Variants in ZBTB10 observed in about 807,000 individuals in gnomAD.
ZBTB10 encodes the protein zinc finger and BTB domain containing 10, also known as zinc finger and BTB domain-containing protein 10.
In ZBTB10, 32 loss-of-function variants were observed where a neutral mutation model predicts 76.4. That is an observed-to-expected ratio of 0.42 (90% CI 0.32 to 0.56). The LOEUF (loss-of-function observed/expected upper bound fraction) is 0.56, where lower values mean the gene tolerates loss of function less well. Among genes scored for constraint, ZBTB10 ranks in the 20% least tolerant of loss-of-function variants. The pLI is 0.14. For missense variants in ZBTB10, 1,057 were observed against 1,098.5 expected (o/e 0.96, Z 0.53); for synonymous variants, 523 against 432.9 (o/e 1.21, Z -2.58).
intron 4 of ZBTB10, 30 bp from the exon 5 acceptor site, chr8:80,518,752 A>G (rs376152332): frequency 1.1e-4 from 166 of 1,580,302 alleles, no homozygotes; most frequent in South Asian, 5.3e-4. Context: ...AATGTGTAAT[A>G]AGCACTTTCT....
rs954524398 is a variant in ZBTB10 at position 80,486,868 on chromosome 8, A to G, written c.58A>G (p.Thr20Ala). The G allele has an allele frequency of 3.3e-6, 5 of 1,509,466 alleles. No individual in the cohort carries two copies. Among genetic ancestry groups the G allele is most frequent in the Non-Finnish European group, 4.4e-6 (5 of 1,131,340 alleles). 93.5% of individuals were successfully genotyped at this position (1,509,466 alleles called of 1,614,324 possible). The change falls in exon 1 of 6, where the codon ACC becomes GCC. Residue 20 changes from threonine to alanine, a missense_variant. Transcript: ENST00000455036. The part of the protein sequence containing the change: ...TLAFRGGGLV[T>A]ASGGGSTNNN... ...GGCGTTCCGAGGAGGCGGGTTGGTC[A>G]CCGCTAGCGGCGGCGGCTCCACGAA...
chr8:80,525,031 T>C lies in ZBTB10; in HGVS notation c.*5503T>C, dbSNP rs1209723602. The C allele has an allele frequency of 6.6e-6, 1 of 152,104 alleles. No homozygotes were observed. The highest frequency in any genetic ancestry group is 2.4e-5 in the African/African-American group (1 of 41,434). 9.4% of individuals were successfully genotyped at this position (152,104 alleles called of 1,614,324 possible). A position where few individuals can be genotyped will look rare whatever the true frequency, so the allele number is the denominator to read the frequency against. ...GATAAAATTTGGTATGTATAAGTAC[T>C]GGACGAAGGATGTTTTGACACTAAA... On this transcript the variant is annotated 3_prime_UTR_variant, in exon 6 of 6. Transcript: ENST00000455036.
At chr8:80,509,107 A>G (rs1281354769) in intron 2 of ZBTB10, among the ~76,000 whole-genome samples, 1 of 152,232 alleles carries the variant, frequency 6.6e-6, no homozygotes, top group Non-Finnish European at 1.5e-5. Flanking sequence ...AGGCTGCTAC[A>G]GGAACTGTAA....
intron 1 of ZBTB10, among the ~76,000 whole-genome samples, chr8:80,488,161 T>G (rs1350404280): frequency 1.3e-5 from 2 of 152,232 alleles, no homozygotes; most frequent in African/African-American, 4.8e-5. Context: ...TGGTCTATGC[T>G]CACAGACGTT....
At chr8:80,503,139 G>C (rs1419979622) in intron 2 of ZBTB10, among the ~76,000 whole-genome samples, 1 of 152,124 alleles carries the variant, frequency 6.6e-6, no homozygotes, top group Non-Finnish European at 1.5e-5. Context: ...CCTACCCCCT[G>C]TAGTCCATGA....
Position 80,500,261 on chromosome 8 carries a change from T to C in ZBTB10, c.1740T>C (p.Thr580=). 6.3e-7 allele frequency: 1 copy of C among 1,579,770 alleles called. No individual in the cohort carries two copies. Among genetic ancestry groups the C allele is most frequent in the South Asian group, 1.2e-5 (1 of 86,898 alleles). Residue 580 remains threonine (T), a synonymous_variant, in exon 2 of 6, where the codon ACT becomes ACC. Transcript: ENST00000455036. ...ETGKTRRKNQ[T]TKRFIYNIPP... is the part of the protein sequence containing the mutation. ...GCAAAACAAGGAGGAAAAACCAAAC[T>C]ACAAAAAGATTTATTTATAATATTC...
In ZBTB10 at chr8:80,519,375, T is replaced by C. The variant is rs1251173615; in HGVS notation, c.2463T>C (p.Asp821=). Residue 821 remains aspartate, a synonymous_variant, in exon 6 of 6, where the codon GAT becomes GAC. Coordinates refer to ENST00000455036, the MANE Select transcript of ZBTB10 (RefSeq NM_001105539.3). Reference sequence around the variant, plus strand: ...AGCCAGGAGGGCAAGAAGGTGTAGATCAGGGACAGGATACAGAATTCCCTC... The same window carrying C: ...AGCCAGGAGGGCAAGAAGGTGTAGACCAGGGACAGGATACAGAATTCCCTC... The part of the protein sequence containing the change: ...KSQPGGQEGV[D]QGQDTEFPRD... The C allele has an allele frequency of 6.2e-7, 1 of 1,612,990 alleles. No individual in the cohort carries two copies. Among genetic ancestry groups the C allele is most frequent in the Non-Finnish European group, 8.5e-7 (1 of 1,179,608 alleles).
At position 80,515,175 on chromosome 8, in the gene ZBTB10, G is replaced by A. The variant is rs528524853; in HGVS notation, c.1960+1167G>A. 7.2e-5 allele frequency among the ~76,000 whole-genome samples: 11 copies of A among 152,278 alleles called. No individual in the cohort carries two copies. In the South Asian group the frequency reaches 1.2e-3, roughly 17 times the overall value. On this transcript the variant is annotated intron_variant, in intron 3 of 5. Coordinates refer to ENST00000455036, the MANE Select transcript of ZBTB10 (RefSeq NM_001105539.3). The stretch of plus-strand genomic sequence containing the variant: ...GAGCATGTTCTAGAAGATGCATTTA[G>A]GCTTGAAGTTATGAGCATGCATGTT...
intron 3 of ZBTB10, among the ~76,000 whole-genome samples, chr8:80,516,899 C>T (rs1816337807): frequency 6.6e-6 from 1 of 152,128 alleles, no homozygotes; most frequent in African/African-American, 2.4e-5. Context: ...AACCGTGATG[C>T]CCATGGGAGG....
intron 1 of ZBTB10, among the ~76,000 whole-genome samples, chr8:80,490,125 A>C (rs1304477444): frequency 6.6e-6 from 1 of 152,240 alleles, no homozygotes; most frequent in Admixed American, 6.5e-5. Flanking sequence ...ACTTGGGCTT[A>C]AGGTCAGAGG....
rs1815516675 is a variant in ZBTB10 at position 80,487,775 on chromosome 8, A to G, written c.965A>G (p.Asn322Ser). 1 of 1,592,124 alleles carries G rather than the reference A, an allele frequency of 6.3e-7. No homozygotes were observed. Among genetic ancestry groups the G allele is most frequent in the Non-Finnish European group, 8.5e-7 (1 of 1,169,802 alleles). Residue 322 changes from asparagine (N) to serine (S), a missense_variant, in exon 1 of 6, where the codon AAC becomes AGC. By Grantham distance (46) the Asn-to-Ser change is conservative. Transcript: ENST00000455036. ...VSTEHKLHEANAQESEIPSEE... is the reference protein window; with the variant it reads ...VSTEHKLHEASAQESEIPSEE... ...ACCGAGCACAAACTCCACGAAGCCA[A>G]CGCCCAGGTACAGTATATCCTGCTC...
In ZBTB10 at chr8:80,519,235, G is replaced by A. The variant is rs1457239015; in HGVS notation, c.2323G>A (p.Asp775Asn). The change falls in exon 6 of 6, where the codon GAT (aspartate) becomes AAT (asparagine). Residue 775 changes from aspartate (D) to asparagine (N), a missense_variant. By Grantham distance (23) the Asp-to-Asn change is conservative. Around this residue, in one of 5 missense-constraint regions of ZBTB10, gnomAD observed 54 missense variants for 138.1 expected, o/e 0.39. Coordinates refer to ENST00000455036, the MANE Select transcript of ZBTB10 (RefSeq NM_001105539.3). ...VKRHSLVHKK[D>N]KKYKCMVCKK... ...CCCCTCCAATTAGGTGCATAAAAAG[G>A]ATAAAAAATACAAATGTATGGTGTG... The A allele has an allele frequency of 6.2e-7, 1 of 1,612,192 alleles. No individual in the cohort carries two copies. The highest frequency in any genetic ancestry group is 8.5e-7 in the Non-Finnish European group (1 of 1,178,706).
chr8:80,518,654 A>AT (rs140340413), intron 4 of ZBTB10, 75 bp downstream of exon 4: 81,386 of 1,487,204 alleles, frequency 0.055, 2,458 homozygotes, highest in African/African-American at 0.096. Context: ...CATGTTCTGC[A>AT]TTTTTTAAAA....
rs1258887483 is a variant in ZBTB10, at chr8:80,520,904, T to G, written c.*1376T>G. ...AGCAGCATTTCACGTATTGTTAACA[T>G]GTATGGCATTTATTAGCATATTGTA... is the stretch of plus-strand genomic sequence containing the variant. On this transcript the variant is annotated 3_prime_UTR_variant, in exon 6 of 6. Coordinates refer to ENST00000455036, the MANE Select transcript of ZBTB10 (RefSeq NM_001105539.3). 2 of 151,986 alleles carry G rather than the reference T, an allele frequency of 1.3e-5. No homozygotes were observed. The highest frequency in any genetic ancestry group is 1.9e-4 in the East Asian group (1 of 5,202). The allele number at this position is 151,986 out of a possible 1,614,324, so 9.4% of individuals were successfully genotyped here.
At chr8:80,485,977 C>G, upstream of ZBTB10, 1 of 1,283,660 alleles carries the variant, frequency 7.8e-7, no homozygotes, top group Non-Finnish European at 1.1e-6. Flanking sequence ...CGCCCGCCCC[C>G]TCCCTGAGAC....
intron 4 of ZBTB10, 68 bp downstream of exon 4, chr8:80,518,647 G>A (rs2131519656): frequency 6.7e-7 from 1 of 1,491,674 alleles, no homozygotes; most frequent in Non-Finnish European, 8.9e-7. Flanking sequence ...AAGCTTTCAT[G>A]TTCTGCATTT....
chr8:80,513,617 G>A (rs1337553803), intron 2 of ZBTB10, among the ~76,000 whole-genome samples: 5 of 152,138 alleles, frequency 3.3e-5, no homozygotes, highest in African/African-American at 7.2e-5. Flanking sequence ...TCACATCTAC[G>A]ATATAGGTGG....
In ZBTB10 at chr8:80,524,087, C is replaced by T. The variant is rs1220666047; in HGVS notation, c.*4559C>T. ...TGGCTTTGTGAATTTTATTGACTGA[C>T]ATTTAATTCAGATTTCTTTGCAAGT... On this transcript the variant is annotated 3_prime_UTR_variant, in exon 6 of 6. Coordinates refer to ENST00000455036, the MANE Select transcript of ZBTB10 (RefSeq NM_001105539.3). The T allele has an allele frequency of 3.9e-5, 6 of 152,048 alleles. No individual in the cohort carries two copies. The highest frequency in any genetic ancestry group is 1.4e-4 in the African/African-American group (6 of 41,516). 9.4% of individuals were successfully genotyped at this position (152,048 alleles called of 1,614,324 possible). A position where few individuals can be genotyped will look rare whatever the true frequency, so the allele number is the denominator to read the frequency against.
At chr8:80,485,949 C>A, upstream of ZBTB10, 1 of 1,470,380 alleles carries the variant, frequency 6.8e-7, no homozygotes, top group African/African-American at 1.4e-5. Flanking sequence ...CTCCGCGTAG[C>A]CCGGCCCCGG....
Sources: gnomAD v4.1 joint callset for allele counts (sites outside exome capture counted in the v4.1 genomes callset) on GRCh38, gnomAD v4.1.1 for gene constraint, gnomAD v4.1.1 regional missense constraint, MANE v1.5 for transcripts, NCBI Gene and HGNC (gene_info 2026-07-23, HGNC 2026-07-21) for gene names.